Variants in HIP1 observed in about 807,000 individuals in gnomAD.
HIP1 encodes huntingtin-interacting protein 1.
A neutral mutation model predicts 147.6 loss-of-function variants in HIP1; 65 were observed. The observed-to-expected ratio is 0.44, with a 90% CI of 0.36 to 0.54. HIP1 has a LOEUF of 0.54. Among genes scored for constraint, HIP1 ranks in the 20% least tolerant of loss-of-function variants. HIP1 has a pLI of 0.00. For missense variants in HIP1, 1,061 were observed against 1,299.6 expected (o/e 0.82, Z 2.82); for synonymous variants, 479 against 504.0 (o/e 0.95, Z 0.67).
chr7:75,551,601 TCTGCAGAGTACACTCTGCAATTCA>T (rs1237486106), intron 22 of HIP1, among the ~76,000 whole-genome samples: 12 of 151,840 alleles, frequency 7.9e-5, no homozygotes, highest in East Asian at 1.9e-4. Flanking sequence ...GGTGAACCAC[TCTGCAGAGTACACTCTGCAATTCA>T]CTGCAGAGTA....
chr7:75,668,609 G>T (rs1554514871), intron 1 of HIP1, among the ~76,000 whole-genome samples: 3 of 151,896 alleles, frequency 2.0e-5, no homozygotes, highest in African/African-American at 7.3e-5. Flanking sequence ...ACAGGCATGA[G>T]CCACCACCCC....
At chr7:75,598,190 C>A (rs781896941) in intron 2 of HIP1, among the ~76,000 whole-genome samples, 1 of 151,830 alleles carries the variant, frequency 6.6e-6, no homozygotes, top group Non-Finnish European at 1.5e-5. Flanking sequence ...TGAGGCCAGG[C>A]GTTCAAGGCC....
At position 75,611,914 on chromosome 7, in the gene HIP1, C is replaced by T. The variant is rs369194402; in HGVS notation, c.121-12667G>A. On this transcript the variant is annotated intron_variant, in intron 1 of 30. Coordinates refer to ENST00000336926, the MANE Select transcript of HIP1 (RefSeq NM_005338.7). Reference sequence around the variant, plus strand: ...TCCCTCCCCAGCACTCCCCATCCTCCGCTCGCCTGGGACAGCCCAGCCAGG... The same window carrying T: ...TCCCTCCCCAGCACTCCCCATCCTCTGCTCGCCTGGGACAGCCCAGCCAGG... 291 of 999,320 alleles carry T rather than the reference C, an allele frequency of 2.9e-4. No homozygotes were observed. In the African/African-American group the frequency reaches 4.1e-3, roughly 14 times the overall value. 61.9% of individuals were successfully genotyped at this position (999,320 alleles called of 1,614,324 possible). A position where few individuals can be genotyped will look rare whatever the true frequency, so the allele number is the denominator to read the frequency against.
rs113574626 is a variant in HIP1 at position 75,599,045 on chromosome 7, G to A, written c.184+139C>T. 5.5e-3 allele frequency: 3,583 copies of A among 654,014 alleles called. 21 individuals are homozygous for A. The highest frequency in any genetic ancestry group is 7.9e-3 in the Non-Finnish European group (2,868 of 362,904). 40.5% of individuals were successfully genotyped at this position (654,014 alleles called of 1,614,324 possible). Reference sequence around the variant, plus strand: ...AGCCAGCCCTCTCTGAGAAGCTGCCGTCATCAGAAGCTGCAGGGACCTGGC... The same window carrying A: ...AGCCAGCCCTCTCTGAGAAGCTGCCATCATCAGAAGCTGCAGGGACCTGGC... On this transcript the variant is annotated intron_variant, in intron 2 of 30. Transcript: ENST00000336926.
At chr7:75,614,520 C>G (rs1279366146) in intron 1 of HIP1, among the ~76,000 whole-genome samples, 3 of 87,508 alleles carry the variant, frequency 3.4e-5, no homozygotes, top group Non-Finnish European at 1.1e-4. Flanking sequence ...TGGGCAGATC[C>G]ATAGAGACAG....
chr7:75,631,080 G>T (rs1798198019), intron 1 of HIP1, among the ~76,000 whole-genome samples: 1 of 152,046 alleles, frequency 6.6e-6, no homozygotes, highest in Non-Finnish European at 1.5e-5. Context: ...CAGCTGGGAG[G>T]ATCCCTAGTA....
chr7:75,627,666 C>G (rs1798090584), intron 1 of HIP1, among the ~76,000 whole-genome samples: 1 of 152,172 alleles, frequency 6.6e-6, no homozygotes, highest in African/African-American at 2.4e-5. Flanking sequence ...CACCCAGGGC[C>G]ATGGCCAGAG....
Position 75,612,550 on chromosome 7 carries a change from C to T in HIP1, c.121-13303G>A, listed in dbSNP as rs372471095. On this transcript the variant is annotated intron_variant, in intron 1 of 30. Transcript: ENST00000336926. ...AAGGCTGGGCGCGGTGGCTCATGCCCGTAATCCCTGAACTTTGGGAGGCCG... is the reference window on the plus strand; with the variant it reads ...AAGGCTGGGCGCGGTGGCTCATGCCTGTAATCCCTGAACTTTGGGAGGCCG... Among the ~76,000 whole-genome samples the T allele has an allele frequency of 9.3e-5, 14 of 150,930 alleles. No homozygotes were observed. The East Asian group carries it at 2.2e-3, about 23-fold the overall frequency.
chr7:75,598,132 C>T (rs1204532915), intron 2 of HIP1, among the ~76,000 whole-genome samples: 1 of 152,156 alleles, frequency 6.6e-6, no homozygotes, highest in East Asian at 1.9e-4. Flanking sequence ...TTCTTTTTTT[C>T]GGCCAGGCAT....
Position 75,537,705 on chromosome 7 carries a change from A to T in HIP1, c.*467T>A, listed in dbSNP as rs587706150. 1 of 250,712 alleles carries T rather than the reference A, an allele frequency of 4.0e-6. No individual in the cohort carries two copies. Among genetic ancestry groups the T allele is most frequent in the Non-Finnish European group, 7.8e-6 (1 of 128,670 alleles). The allele number at this position is 250,712 out of a possible 1,614,324, so 15.5% of individuals were successfully genotyped here. On this transcript the variant is annotated 3_prime_UTR_variant, in exon 31 of 31. Transcript: ENST00000336926. Reference sequence around the variant, plus strand: ...ATCCATCAGCCCTCTGATGCTCACAAGTTTGTGCAAATGATGAAACTGAAA... The same window carrying T: ...ATCCATCAGCCCTCTGATGCTCACATGTTTGTGCAAATGATGAAACTGAAA...
chr7:75,614,352 AT>A (rs1301759209), intron 1 of HIP1, among the ~76,000 whole-genome samples: 12 of 152,034 alleles, frequency 7.9e-5, no homozygotes, highest in African/African-American at 2.9e-4. Flanking sequence ...AAAATGGTGA[AT>A]TTTATGGTAT....
At position 75,541,973 on chromosome 7, in the gene HIP1, C is replaced by T. The variant is rs781829115; in HGVS notation, c.2898G>A (p.Met966Ile). The T allele has an allele frequency of 1.9e-6, 3 of 1,613,852 alleles. No individual in the cohort carries two copies. The highest frequency in any genetic ancestry group is 2.5e-6 in the Non-Finnish European group (3 of 1,179,744). Reference sequence around the variant, plus strand: ...GTGTCAGCGTCATGCTTGAGAAGTCCATGTTGTCTGCAAGGATGGAAACAA... The same window carrying T: ...GTGTCAGCGTCATGCTTGAGAAGTCTATGTTGTCTGCAAGGATGGAAACAA... ...GKSQIEETDNMDFSSMTLTQI... is the reference protein window; with the variant it reads ...GKSQIEETDNIDFSSMTLTQI... The change falls in exon 29 of 31, where the codon ATG (methionine) becomes ATA (isoleucine). Residue 966 changes from methionine to isoleucine, a missense_variant. Physicochemically the swap from Met to Ile is conservative, Grantham distance 10. This residue lies in a region of HIP1 where 810 missense variants were observed against 946.8 expected (regional missense o/e 0.86). Transcript: ENST00000336926.
chr7:75,738,724 T>C, intron 1 of HIP1, 77 bp downstream of exon 1: 2 of 1,507,896 alleles, frequency 1.3e-6, no homozygotes, highest in Non-Finnish European at 1.8e-6. Context: ...GCAAGACTCC[T>C]ACTCCCTTCA....
At chr7:75,726,962 C>T (rs371121270) in intron 1 of HIP1, among the ~76,000 whole-genome samples, 94 of 152,022 alleles carry the variant, frequency 6.2e-4, no homozygotes, top group African/African-American at 2.2e-3. Context: ...CAGGTGTGAG[C>T]CATTGTGCCT....
intron 1 of HIP1, among the ~76,000 whole-genome samples, chr7:75,670,626 T>C (rs1363044179): frequency 3.3e-5 from 5 of 151,980 alleles, no homozygotes; most frequent in South Asian, 2.1e-4. Flanking sequence ...GTCTAATTTT[T>C]TGAGACAGGG....
chr7:75,587,766 C>T (rs1554499870), intron 4 of HIP1, among the ~76,000 whole-genome samples: 1 of 152,118 alleles, frequency 6.6e-6, no homozygotes, highest in African/African-American at 2.4e-5. Flanking sequence ...GAATTTGAGA[C>T]CAGCCTGGCC....
At chr7:75,553,411 C>A (rs1794862604) in intron 22 of HIP1, 42 bp downstream of exon 22, 1 of 1,603,432 alleles carries the variant, frequency 6.2e-7, no homozygotes, top group Middle Eastern at 1.7e-4. Flanking sequence ...CACGCACACC[C>A]AGAAGAATAA....
intron 1 of HIP1, among the ~76,000 whole-genome samples, chr7:75,693,686 G>A (rs1800531226): frequency 6.8e-6 from 1 of 146,998 alleles, no homozygotes; most frequent in Non-Finnish European, 1.5e-5. Context: ...ACCAGCCTGG[G>A]CAACGTGGCA....
At chr7:75,540,956 G>A (rs1554489740) in intron 29 of HIP1, among the ~76,000 whole-genome samples, 1 of 152,138 alleles carries the variant, frequency 6.6e-6, no homozygotes, top group Admixed American at 6.6e-5. Flanking sequence ...TCCAAGAATA[G>A]TGGGCAAGAG....
Sources: gnomAD v4.1 joint callset for allele counts (sites outside exome capture counted in the v4.1 genomes callset) on GRCh38, gnomAD v4.1.1 for gene constraint, gnomAD v4.1.1 regional missense constraint, MANE v1.5 for transcripts, NCBI Gene and HGNC (gene_info 2026-07-23, HGNC 2026-07-21) for gene names.